Variants in MIEF1 observed in about 807,000 individuals in gnomAD.
The protein encoded by MIEF1 is mitochondrial dynamics protein MIEF1.
Under a neutral mutation model 35.1 loss-of-function variants are expected in MIEF1, and 14 were observed. That is an observed-to-expected ratio of 0.40 (90% CI 0.26 to 0.62). MIEF1 has a LOEUF of 0.62. MIEF1 is among the 20% of genes least tolerant of loss of function. MIEF1 has a pLI of 0.43. For missense variants in MIEF1, 542 were observed against 615.4 expected, an observed-to-expected ratio of 0.88 and a Z score of 1.26; for synonymous variants, 245 against 254.3, an observed-to-expected ratio of 0.96 and a Z score of 0.35.
rs1930650025 is a variant in MIEF1, at chr22:39,515,994, T to C, written c.*1671T>C. 6.6e-6 allele frequency: 1 copy of C among 152,592 alleles called. No homozygotes were observed. Among genetic ancestry groups the C allele is most frequent in the African/African-American group, 2.4e-5 (1 of 41,572 alleles). The allele number at this position is 152,592 out of a possible 1,614,324, so 9.5% of individuals were successfully genotyped here. ...AGGAAATTGAGAACTAGGGTTAACC[T>C]TGACTATATTTAGAGGTCTTTTTGC... On this transcript the variant is annotated 3_prime_UTR_variant, in exon 6 of 6. Coordinates refer to ENST00000325301, the MANE Select transcript of MIEF1 (RefSeq NM_019008.6).
In MIEF1 at chr22:39,517,830, G is replaced by GT. The variant is rs1342801521; in HGVS notation, c.*3510dup. On this transcript the variant is annotated 3_prime_UTR_variant, in exon 6 of 6. Coordinates refer to ENST00000325301, the MANE Select transcript of MIEF1 (RefSeq NM_019008.6). Reference sequence around the variant, plus strand: ...TTCCATGGTCAAATGCACAGTAGGTGTTTACCTTTACATTTGGATCACCTT... The same window carrying GT: ...TTCCATGGTCAAATGCACAGTAGGTGTTTTACCTTTACATTTGGATCACCTT... 2 of 286,840 alleles carry GT rather than the reference G, an allele frequency of 7.0e-6. No homozygotes were observed. The highest frequency in any genetic ancestry group is 4.5e-5 in the African/African-American group (2 of 44,504). 17.8% of individuals were successfully genotyped at this position (286,840 alleles called of 1,614,324 possible). A position where few individuals can be genotyped will look rare whatever the true frequency, so the allele number is the denominator to read the frequency against.
At chr22:39,504,139 C>T (rs571944027) in intron 1 of MIEF1, 64 bp from the exon 2 acceptor site, 11 of 398,076 alleles carry the variant, frequency 2.8e-5, no homozygotes, top group Non-Finnish European at 4.0e-5. Context: ...CTCACATAGT[C>T]TCTACAGGTC....
chr22:39,510,115 C>T (rs1167457889), intron 2 of MIEF1, among the ~76,000 whole-genome samples: 1 of 152,058 alleles, frequency 6.6e-6, no homozygotes, highest in East Asian at 1.9e-4. Flanking sequence ...TGCGCTGTCA[C>T]ATCTGGCTAA....
rs1300149059 is a variant in MIEF1, at chr22:39,515,260, C to T, written c.*937C>T. ...GGCCTTGAAGGAACGCAGCCTTAGA[C>T]ATCAGGTGAGGATGATGGAGGTAGA... On this transcript the variant is annotated 3_prime_UTR_variant, in exon 6 of 6. Transcript: ENST00000325301. The T allele has an allele frequency of 1.4e-6, 1 of 717,390 alleles. No individual in the cohort carries two copies. The highest frequency in any genetic ancestry group is 2.0e-5 in the Admixed American group (1 of 50,002). The allele number at this position is 717,390 out of a possible 1,614,324, so 44.4% of individuals were successfully genotyped here.
In MIEF1 at chr22:39,517,421, C is replaced by T; in HGVS notation, c.*3098C>T. 2.8e-6 allele frequency: 1 copy of T among 352,694 alleles called. No individual in the cohort carries two copies. The highest frequency in any genetic ancestry group is 2.2e-5 in the South Asian group (1 of 45,878). The allele number at this position is 352,694 out of a possible 1,614,324, so 21.8% of individuals were successfully genotyped here. A position where few individuals can be genotyped will look rare whatever the true frequency, so the allele number is the denominator to read the frequency against. On this transcript the variant is annotated 3_prime_UTR_variant, in exon 6 of 6. Transcript: ENST00000325301. ...GAAGCGTTGCAGAGGCCCACGGTCT[C>T]CTGGGTCCCGGCCACCTGTCCATAT...
In MIEF1 at chr22:39,517,741, C is replaced by A; in HGVS notation, c.*3418C>A. The A allele has an allele frequency of 2.6e-6, 1 of 377,552 alleles. No homozygotes were observed. The highest frequency in any genetic ancestry group is 3.4e-5 in the Admixed American group (1 of 29,806). The allele number at this position is 377,552 out of a possible 1,614,324, so 23.4% of individuals were successfully genotyped here. A position where few individuals can be genotyped will look rare whatever the true frequency, so the allele number is the denominator to read the frequency against. ...GGACAGAGCTGACCCTTGCACCAGG[C>A]TGGGAGGCTGCAGCCCTTTTAGATG... On this transcript the variant is annotated 3_prime_UTR_variant, in exon 6 of 6. Transcript: ENST00000325301.
intron 5 of MIEF1, among the ~76,000 whole-genome samples, chr22:39,513,156 A>G (rs1474202352): frequency 2.0e-5 from 3 of 147,836 alleles, no homozygotes; most frequent in Non-Finnish European, 4.5e-5. Context: ...GCTGGAGTGC[A>G]GTGGCACGAT....
In MIEF1 at chr22:39,514,463, T is replaced by C. The variant is rs192658004; in HGVS notation, c.*140T>C. ...CATCACCCTGGTCACTTCATGCTGATTAGAATGACATCTCTTTCGTCTCCT... is the reference window on the plus strand; with the variant it reads ...CATCACCCTGGTCACTTCATGCTGACTAGAATGACATCTCTTTCGTCTCCT... On this transcript the variant is annotated 3_prime_UTR_variant, in exon 6 of 6. Coordinates refer to ENST00000325301, the MANE Select transcript of MIEF1 (RefSeq NM_019008.6). 119 of 756,274 alleles carry C rather than the reference T, an allele frequency of 1.6e-4. No homozygotes were observed. The East Asian group carries it at 3.1e-3, about 20-fold the overall frequency. 46.8% of individuals were successfully genotyped at this position (756,274 alleles called of 1,614,324 possible). A position where few individuals can be genotyped will look rare whatever the true frequency, so the allele number is the denominator to read the frequency against.
intron 4 of MIEF1, 51 bp downstream of exon 4, chr22:39,512,077 C>T (rs1319620066): frequency 6.3e-7 from 1 of 1,581,972 alleles, no homozygotes; most frequent in African/African-American, 1.3e-5. Context: ...TTCAGTACCA[C>T]TCCTGCACTC....
chr22:39,514,451 A>G lies in MIEF1; in HGVS notation c.*128A>G. On this transcript the variant is annotated 3_prime_UTR_variant, in exon 6 of 6. Coordinates refer to ENST00000325301, the MANE Select transcript of MIEF1 (RefSeq NM_019008.6). ...TGTCTTGCTGATCATCACCCTGGTC[A>G]CTTCATGCTGATTAGAATGACATCT... 1.2e-6 allele frequency: 1 copy of G among 832,070 alleles called. No homozygotes were observed. The highest frequency in any genetic ancestry group is 1.7e-5 in the South Asian group (1 of 60,376). 51.5% of individuals were successfully genotyped at this position (832,070 alleles called of 1,614,324 possible).
In MIEF1 at chr22:39,514,368, T is replaced by A. The variant is rs1246244331; in HGVS notation, c.*45T>A. 6.3e-7 allele frequency: 1 copy of A among 1,591,468 alleles called. No individual in the cohort carries two copies. Among genetic ancestry groups the A allele is most frequent in the Non-Finnish European group, 8.6e-7 (1 of 1,166,584 alleles). On this transcript the variant is annotated 3_prime_UTR_variant, in exon 6 of 6. Transcript: ENST00000325301. ...GGGTGTTGGTGGTCAGGCCCTGGAT[T>A]CTCCGTTAGATACACTTGGCTACCT...
At position 39,514,265 on chromosome 22, in the gene MIEF1, A is replaced by C. The variant is rs1454910952; in HGVS notation, c.1334A>C (p.Glu445Ala). ...FAELTPEEID[E>A]LGYTLYCSLS... is the part of the protein sequence containing the mutation. The stretch of plus-strand genomic sequence containing the variant: ...GAGCTCACCCCTGAAGAAATAGACG[A>C]ATTAGGATACACTCTGTATTGCTCA... The change falls in exon 6 of 6, where the codon GAA becomes GCA. Residue 445 changes from glutamate (E) to alanine (A), a missense_variant. By Grantham distance (107) the Glu-to-Ala change is moderately radical. Transcript: ENST00000325301. The C allele has an allele frequency of 1.2e-6, 2 of 1,614,166 alleles. No individual in the cohort carries two copies. The highest frequency in any genetic ancestry group is 8.5e-7 in the Non-Finnish European group (1 of 1,180,038).
Position 39,512,614 on chromosome 22 carries a change from T to C in MIEF1, c.585+120T>C, listed in dbSNP as rs575890040. The stretch of plus-strand genomic sequence containing the variant: ...GAGGTCTTACAGCTTCCGAATCCTG[T>C]GTACCTCAGCAGCATTTGGAGATCC... On this transcript the variant is annotated intron_variant, in intron 5 of 5. Transcript: ENST00000325301. The C allele has an allele frequency of 1.6e-4, 204 of 1,297,952 alleles. 1 individual carries two copies. Among genetic ancestry groups the C allele is most frequent in the Non-Finnish European group, 2.1e-4 (200 of 953,794 alleles). 80.4% of individuals were successfully genotyped at this position (1,297,952 alleles called of 1,614,324 possible).
intron 4 of MIEF1, 39 bp downstream of exon 4, chr22:39,512,065 C>T (rs748128718): frequency 2.5e-6 from 4 of 1,594,382 alleles, no homozygotes; most frequent in Non-Finnish European, 3.4e-6. Context: ...CCTCTCTGGA[C>T]TTTCAGTACC....
intron 1 of MIEF1, 95 bp from the exon 2 acceptor site, chr22:39,504,108 T>A (rs1374752130): frequency 2.5e-6 from 1 of 397,250 alleles, no homozygotes; most frequent in Non-Finnish European, 4.4e-6. Flanking sequence ...GGGGGGTCTC[T>A]GGAACTTGGA....
Position 39,517,361 on chromosome 22 carries a change from T to C in MIEF1, c.*3038T>C, listed in dbSNP as rs1930729228. Reference sequence around the variant, plus strand: ...ACATGCTTGGTTATGACTTTTAAAGTTTTATTTAAATAAATGTTGAAGCTC... The same window carrying C: ...ACATGCTTGGTTATGACTTTTAAAGCTTTATTTAAATAAATGTTGAAGCTC... On this transcript the variant is annotated 3_prime_UTR_variant, in exon 6 of 6. Coordinates refer to ENST00000325301, the MANE Select transcript of MIEF1 (RefSeq NM_019008.6). The C allele has an allele frequency of 3.8e-6, 1 of 263,578 alleles. No homozygotes were observed. Among genetic ancestry groups the C allele is most frequent in the African/African-American group, 2.3e-5 (1 of 44,290 alleles). The allele number at this position is 263,578 out of a possible 1,614,324, so 16.3% of individuals were successfully genotyped here.
At position 39,514,608 on chromosome 22, in the gene MIEF1, G is replaced by C. The variant is rs1930563562; in HGVS notation, c.*285G>C. On this transcript the variant is annotated 3_prime_UTR_variant, in exon 6 of 6. Coordinates refer to ENST00000325301, the MANE Select transcript of MIEF1 (RefSeq NM_019008.6). Reference sequence around the variant, plus strand: ...AGGTGGCGTGCTGGCCTGAGCTGATGGACCACTTGGTGTTTTGCGTTTTGG... The same window carrying C: ...AGGTGGCGTGCTGGCCTGAGCTGATCGACCACTTGGTGTTTTGCGTTTTGG... 4.4e-6 allele frequency: 2 copies of C among 457,628 alleles called. No homozygotes were observed. The highest frequency in any genetic ancestry group is 5.6e-5 in the South Asian group (2 of 35,788). 28.3% of individuals were successfully genotyped at this position (457,628 alleles called of 1,614,324 possible).
chr22:39,513,892 A>C lies in MIEF1; in HGVS notation c.961A>C (p.Thr321Pro). The C allele has an allele frequency of 6.2e-7, 1 of 1,613,970 alleles. No homozygotes were observed. Among genetic ancestry groups the C allele is most frequent in the South Asian group, 1.1e-5 (1 of 91,066 alleles). ...CCTGCCATCAGTGACCCTCGGTGACACAGTCTTGGTGGCCAAACCACACCG... is the reference window on the plus strand; with the variant it reads ...CCTGCCATCAGTGACCCTCGGTGACCCAGTCTTGGTGGCCAAACCACACCG... ...DFLPSVTLGDTVLVAKPHRLA... is the reference protein window; with the variant it reads ...DFLPSVTLGDPVLVAKPHRLA... The change falls in exon 6 of 6, where the codon ACA (threonine) becomes CCA (proline). Residue 321 changes from threonine (T) to proline (P), a missense_variant. Physicochemically the swap from Thr to Pro is conservative, Grantham distance 38 (BLOSUM62 -1). Coordinates refer to ENST00000325301, the MANE Select transcript of MIEF1 (RefSeq NM_019008.6).
chr22:39,514,085 T>A lies in MIEF1; in HGVS notation c.1154T>A (p.Leu385Gln), dbSNP rs1252216615. 1 of 1,614,082 alleles carries A rather than the reference T, an allele frequency of 6.2e-7. No homozygotes were observed. Among genetic ancestry groups the A allele is most frequent in the Non-Finnish European group, 8.5e-7 (1 of 1,180,048 alleles). ...CTGGGCCACCTCACTGCCAGCCAGC[T>A]AACCAATGTCATCCTCCACTTGGCC... ...PALGHLTASQ[L>Q]TNVILHLAQE... Residue 385 changes from leucine to glutamine, a missense_variant, in exon 6 of 6, where the codon CTA (leucine) becomes CAA (glutamine). Physicochemically the swap from Leu to Gln is moderately radical, Grantham distance 113. Coordinates refer to ENST00000325301, the MANE Select transcript of MIEF1 (RefSeq NM_019008.6).
Sources: gnomAD v4.1 joint callset for allele counts (sites outside exome capture counted in the v4.1 genomes callset) on GRCh38, gnomAD v4.1.1 for gene constraint, MANE v1.5 for transcripts, NCBI Gene and HGNC (gene_info 2026-07-23, HGNC 2026-07-21) for gene names.